Variants in SNN observed in about 807,000 individuals in gnomAD.
SNN encodes AG8_1.
In SNN, 5 loss-of-function variants were observed where a neutral mutation model predicts 5.3. The observed-to-expected ratio is 0.94, with a 90% CI of 0.49 to 1.97. The LOEUF (loss-of-function observed/expected upper bound fraction) is 1.97, where lower values mean the gene tolerates loss of function less well. SNN is among the 30% of genes most tolerant of loss of function. SNN has a pLI of 0.01. For missense variants in SNN, 127 were observed against 121.6 expected (o/e 1.04, Z -0.21); for synonymous variants, 67 against 52.1 (o/e 1.29, Z -1.24).
Position 11,675,958 on chromosome 16 carries a change from C to A in SNN, c.-85-17C>A. On this transcript the variant is annotated splice_polypyrimidine_tract_variant and intron_variant, in intron 1 of 1. Coordinates refer to ENST00000329565, the MANE Select transcript of SNN (RefSeq NM_003498.6). ...GGAAGTGCTAACCGCAGCTCGTCAA[C>A]CTGCTTTGTCTTTCAGGACTCCCGT... 1 of 1,319,050 alleles carries A rather than the reference C, an allele frequency of 7.6e-7. No homozygotes were observed. Among genetic ancestry groups the A allele is most frequent in the Non-Finnish European group, 1.0e-6 (1 of 973,676 alleles). 81.7% of individuals were successfully genotyped at this position (1,319,050 alleles called of 1,614,324 possible).
rs1430742072 is a variant in SNN, at chr16:11,671,934, C to T, written c.-86+3394C>T. Among the ~76,000 whole-genome samples the T allele has an allele frequency of 6.6e-6, 1 of 152,230 alleles. No homozygotes were observed. The highest frequency in any genetic ancestry group is 6.5e-5 in the Admixed American group (1 of 15,292). Reference sequence around the variant, plus strand: ...CTGCCCTTCCATGGGCTCAGGCCTGCCCTAATCCACTGGCACTCGCCGTTC... The same window carrying T: ...CTGCCCTTCCATGGGCTCAGGCCTGTCCTAATCCACTGGCACTCGCCGTTC... On this transcript the variant is annotated intron_variant, in intron 1 of 1. Transcript: ENST00000329565. The surrounding 1 kb of genome is among the most constrained non-coding windows in gnomAD (Gnocchi z 4.7).
Position 11,676,158 on chromosome 16 carries a change from G to C in SNN, c.99G>C (p.Trp33Cys). 1 of 1,614,214 alleles carries C rather than the reference G, an allele frequency of 6.2e-7. No individual in the cohort carries two copies. Among genetic ancestry groups the C allele is most frequent in the Non-Finnish European group, 8.5e-7 (1 of 1,180,038 alleles). The change falls in exon 2 of 2, where the codon TGG becomes TGC. Residue 33 changes from tryptophan to cysteine, a missense_variant. Trp to Cys is a radical substitution (Grantham distance 215). Coordinates refer to ENST00000329565, the MANE Select transcript of SNN (RefSeq NM_003498.6). ...TGGGGGCCTTGATCCTGGGCTGCTG[G>C]TGCTACCTGCGGCTGCAGCGCATCA... ...AALGALILGC[W>C]CYLRLQRISQ...
At chr16:11,669,174 G>T (rs1302571360) in intron 1 of SNN, among the ~76,000 whole-genome samples, 1 of 152,202 alleles carries the variant, frequency 6.6e-6, no homozygotes, top group Non-Finnish European at 1.5e-5. Flanking sequence ...TTGCTCCTCC[G>T]TGGAGTGGGG....
rs1295211287 is a variant in SNN at position 11,677,008 on chromosome 16, A to G, written c.*682A>G. 2 of 167,190 alleles carry G rather than the reference A, an allele frequency of 1.2e-5. No homozygotes were observed. The highest frequency in any genetic ancestry group is 1.9e-4 in the East Asian group (1 of 5,196). The allele number at this position is 167,190 out of a possible 1,614,324, so 10.4% of individuals were successfully genotyped here. ...CACTTGTTAAATAGCAGTTCTGTTG[A>G]GAGTGGAGTTACTGCAGGGAAGCTA... On this transcript the variant is annotated 3_prime_UTR_variant, in exon 2 of 2. Coordinates refer to ENST00000329565, the MANE Select transcript of SNN (RefSeq NM_003498.6). The surrounding 1 kb of genome is among the most constrained non-coding windows in gnomAD (Gnocchi z 4.2).
chr16:11,678,960 A>C lies in SNN; in HGVS notation c.*2634A>C, dbSNP rs2050334886. On this transcript the variant is annotated 3_prime_UTR_variant, in exon 2 of 2. Coordinates refer to ENST00000329565, the MANE Select transcript of SNN (RefSeq NM_003498.6). ...CACTGAGCCACTAAAATATGGACTA[A>C]TTTTTTGGACAAATCTTCAAACGGA... is the stretch of plus-strand genomic sequence containing the variant. 1.9e-6 allele frequency: 1 copy of C among 534,140 alleles called. No homozygotes were observed. The highest frequency in any genetic ancestry group is 3.3e-6 in the Non-Finnish European group (1 of 298,836). 33.1% of individuals were successfully genotyped at this position (534,140 alleles called of 1,614,324 possible).
intron 1 of SNN, among the ~76,000 whole-genome samples, chr16:11,674,236 G>A (rs556134132): frequency 3.9e-5 from 6 of 152,202 alleles, no homozygotes; most frequent in Admixed American, 6.5e-5. Flanking sequence ...CCGACCGCAC[G>A]CCCAGTCCTG....
Position 11,676,121 on chromosome 16 carries a change from C to T in SNN, c.62C>T (p.Ala21Val), listed in dbSNP as rs2050301761. Residue 21 changes from alanine to valine, a missense_variant, in exon 2 of 2, where the codon GCC becomes GTC. Physicochemically the swap from Ala to Val is moderately conservative, Grantham distance 64. Coordinates refer to ENST00000329565, the MANE Select transcript of SNN (RefSeq NM_003498.6). ...GVVTVIVILIAIAALGALILG... is the reference protein window; with the variant it reads ...GVVTVIVILIVIAALGALILG... ...GTCACAGTCATCGTCATCCTCATTG[C>T]CATCGCGGCCCTGGGGGCCTTGATC... The T allele has an allele frequency of 6.2e-7, 1 of 1,614,116 alleles. No homozygotes were observed. The highest frequency in any genetic ancestry group is 8.5e-7 in the Non-Finnish European group (1 of 1,179,974).
chr16:11,677,122 G>A lies in SNN; in HGVS notation c.*796G>A, dbSNP rs8191332. ...CCTTGTAGCAGAGCAGTTTCTTGCC[G>A]CTTGGGTCTTCAGCACGCCAAGCCC... On this transcript the variant is annotated 3_prime_UTR_variant, in exon 2 of 2. Transcript: ENST00000329565. This position sits in a 1 kb window ranked among gnomAD's most constrained non-coding sequence, Gnocchi z 4.2. 3,416 of 167,216 alleles carry A rather than the reference G, an allele frequency of 0.02. 50 individuals are homozygous for A. Among genetic ancestry groups the A allele is most frequent in the Non-Finnish European group, 0.029 (1,977 of 68,142 alleles). The allele number at this position is 167,216 out of a possible 1,614,324, so 10.4% of individuals were successfully genotyped here.
chr16:11,678,475 T>C lies in SNN; in HGVS notation c.*2149T>C, dbSNP rs552033333. The C allele has an allele frequency of 7.2e-5, 12 of 167,236 alleles. No homozygotes were observed. The highest frequency in any genetic ancestry group is 4.2e-4 in the South Asian group (2 of 4,812). The allele number at this position is 167,236 out of a possible 1,614,324, so 10.4% of individuals were successfully genotyped here. ...ACCCCTGGAACTGACCAGCGCTCGA[T>C]TGTCAGCCTTGGCCTGGGGTTTTGA... is the stretch of plus-strand genomic sequence containing the variant. On this transcript the variant is annotated 3_prime_UTR_variant, in exon 2 of 2. Coordinates refer to ENST00000329565, the MANE Select transcript of SNN (RefSeq NM_003498.6).
chr16:11,676,413 G>C lies in SNN; in HGVS notation c.*87G>C. ...ACCATACGGATGCGCTGCTGTCTGAGAGGAAGGGCTGACACTTGCTGGCAT... is the reference window on the plus strand; with the variant it reads ...ACCATACGGATGCGCTGCTGTCTGACAGGAAGGGCTGACACTTGCTGGCAT... On this transcript the variant is annotated 3_prime_UTR_variant, in exon 2 of 2. Transcript: ENST00000329565. The C allele has an allele frequency of 6.9e-7, 1 of 1,449,280 alleles. No homozygotes were observed. The highest frequency in any genetic ancestry group is 9.3e-7 in the Non-Finnish European group (1 of 1,073,640). The allele number at this position is 1,449,280 out of a possible 1,614,324, so 89.8% of individuals were successfully genotyped here.
chr16:11,675,468 T>C (rs113132901), intron 1 of SNN, among the ~76,000 whole-genome samples: 2,430 of 152,232 alleles, frequency 0.016, 32 homozygotes, highest in South Asian at 0.025. Flanking sequence ...GGTTTCACTA[T>C]GTTGGCCAGG....
chr16:11,669,908 G>T (rs140988999), intron 1 of SNN, among the ~76,000 whole-genome samples: 1 of 152,302 alleles, frequency 6.6e-6, no homozygotes, highest in East Asian at 1.9e-4. Context: ...TCATGGGTGG[G>T]GGTGGAGGAT....
intron 1 of SNN, among the ~76,000 whole-genome samples, chr16:11,673,935 A>C (rs985251960): frequency 6.6e-6 from 1 of 152,080 alleles, no homozygotes; most frequent in Admixed American, 6.5e-5. Context: ...GAATGGAGGG[A>C]GGGCACCTCC....
At chr16:11,669,893 G>T (rs998466609) in intron 1 of SNN, among the ~76,000 whole-genome samples, 16 of 152,202 alleles carry the variant, frequency 1.1e-4, no homozygotes, top group Non-Finnish European at 2.1e-4. Flanking sequence ...CTGAGGATGG[G>T]GGTGTCATGG....
rs1229995793 is a variant in SNN at position 11,677,854 on chromosome 16, T to G, written c.*1528T>G. 2 of 167,134 alleles carry G rather than the reference T, an allele frequency of 1.2e-5. No homozygotes were observed. Among genetic ancestry groups the G allele is most frequent in the African/African-American group, 4.8e-5 (2 of 41,444 alleles). The allele number at this position is 167,134 out of a possible 1,614,324, so 10.4% of individuals were successfully genotyped here. A position where few individuals can be genotyped will look rare whatever the true frequency, so the allele number is the denominator to read the frequency against. The stretch of plus-strand genomic sequence containing the variant: ...GCCTCCTGCTCAGACTAAAGGCACC[T>G]CCTCTGGCCTCACCCAAGCCTCTTC... On this transcript the variant is annotated 3_prime_UTR_variant, in exon 2 of 2. Transcript: ENST00000329565. This position sits in a 1 kb window ranked among gnomAD's most constrained non-coding sequence, Gnocchi z 4.2.
intron 1 of SNN, among the ~76,000 whole-genome samples, chr16:11,674,954 T>C (rs8049633): frequency 0.58 from 88,389 of 151,912 alleles, 26,419 homozygotes; most frequent in African/African-American, 0.7. Flanking sequence ...AGCCTCTGTC[T>C]CACCCTCCCT....
In SNN at chr16:11,676,602, T is replaced by C; in HGVS notation, c.*276T>C. 2.1e-6 allele frequency: 1 copy of C among 476,954 alleles called. No individual in the cohort carries two copies. The highest frequency in any genetic ancestry group is 3.9e-6 in the Non-Finnish European group (1 of 255,182). 29.5% of individuals were successfully genotyped at this position (476,954 alleles called of 1,614,324 possible). On this transcript the variant is annotated 3_prime_UTR_variant, in exon 2 of 2. Coordinates refer to ENST00000329565, the MANE Select transcript of SNN (RefSeq NM_003498.6). ...CGCTTTTGTTACTTGAATGTCTAGC[T>C]GAGCCTGTTTTTGATGGAGCTACTA...
chr16:11,674,791 C>A (rs949690120), intron 1 of SNN, among the ~76,000 whole-genome samples: 2 of 152,228 alleles, frequency 1.3e-5, no homozygotes, highest in African/African-American at 4.8e-5. Context: ...GCACCGCCTC[C>A]CTGCCTCCCA....
In SNN at chr16:11,671,167, C is replaced by T. The variant is rs566640416; in HGVS notation, c.-86+2627C>T. On this transcript the variant is annotated intron_variant, in intron 1 of 1. Transcript: ENST00000329565. This position sits in a 1 kb window ranked among gnomAD's most constrained non-coding sequence, Gnocchi z 4.7. The stretch of plus-strand genomic sequence containing the variant: ...TGTGTCCTGTGCTGCAGTTGACCTC[C>T]TTTGGGGTTGTTTGAGGATGCTGGG... 1.4e-4 allele frequency among the ~76,000 whole-genome samples: 22 copies of T among 152,198 alleles called. No individual in the cohort carries two copies. In the South Asian group the frequency reaches 4.6e-3, roughly 32 times the overall value.
Sources: allele counts gnomAD v4.1 joint callset (sites outside exome capture counted in the v4.1 genomes callset), GRCh38; gene constraint gnomAD v4.1.1; non-coding constraint Gnocchi (gnomAD v3.1); transcripts MANE v1.5; gene names NCBI Gene and HGNC (gene_info 2026-07-23, HGNC 2026-07-21).